Variants in STK36 observed in about 807,000 individuals in gnomAD.
STK36 encodes serine/threonine kinase 36.
Under a neutral mutation model 142.2 loss-of-function variants are expected in STK36, and 116 were observed. The ratio of observed to expected loss-of-function variants is 0.82; its 90% CI spans 0.70 to 0.95. The LOEUF is 0.95. Ranked by LOEUF, STK36 falls within the 40% of genes least tolerant of loss-of-function variation. The pLI, the probability that STK36 is intolerant of heterozygous loss-of-function variation, is 0.00. For missense variants in STK36, 1,422 were observed against 1,617.2 expected (o/e 0.88, Z 2.07); for synonymous variants, 619 against 641.7 (o/e 0.96, Z 0.53).
At chr2:218,684,351 G>A (rs903273579) in intron 10 of STK36, among the ~76,000 whole-genome samples, 2 of 148,992 alleles carry the variant, frequency 1.3e-5, no homozygotes, top group Non-Finnish European at 1.5e-5. Context: ...CCGACCTCAG[G>A]TGATCTGCCT....
chr2:218,684,075 A>C (rs1443619551), intron 10 of STK36, among the ~76,000 whole-genome samples: 1 of 146,668 alleles, frequency 6.8e-6, no homozygotes, highest in Non-Finnish European at 1.5e-5. Flanking sequence ...CTGGGATTAC[A>C]GGTATGAGCT....
In STK36 at chr2:218,695,409, A is replaced by G. The variant is rs1575141133; in HGVS notation, c.2511+774A>G. Among the ~76,000 whole-genome samples the G allele has an allele frequency of 2.0e-5, 3 of 149,682 alleles. 1 individual carries two copies. The East Asian group carries it at 5.9e-4, about 30-fold the overall frequency. ...CCCAGCTAATTTTTGTATTTTTAGT[A>G]GAGACAGGGTTTCTCCATGTTGGTC... On this transcript the variant is annotated intron_variant, in intron 21 of 26. Transcript: ENST00000295709.
At chr2:218,684,926 G>C in intron 10 of STK36, 159 bp from the exon 11 acceptor site, 1 of 832,174 alleles carries the variant, frequency 1.2e-6, no homozygotes, top group South Asian at 2.1e-5. Flanking sequence ...ACTGCCAGCT[G>C]TACCTTTTTT....
In STK36 at chr2:218,679,653, G is replaced by C; in HGVS notation, c.872G>C (p.Arg291Pro). ...GTCCTAAAGGACGAACAGGCCCATC[G>C]GTTGGCCCCCAAGGGTAATCAGTCT... ...LQVLKDEQAHRLAPKGNQSRI... is the reference protein window; with the variant it reads ...LQVLKDEQAHPLAPKGNQSRI... Residue 291 changes from arginine (R) to proline (P), a missense_variant, in exon 8 of 27, where the codon CGG becomes CCG. Around this residue, in one of 2 missense-constraint regions of STK36, gnomAD observed 460 missense variants for 449.6 expected, o/e 1.02. Transcript: ENST00000295709. The C allele has an allele frequency of 1.2e-6, 2 of 1,614,158 alleles. No individual in the cohort carries two copies. The highest frequency in any genetic ancestry group is 1.7e-6 in the Non-Finnish European group (2 of 1,180,042).
At chr2:218,692,847 C>G (rs574867453) in intron 16 of STK36, 137 bp downstream of exon 16, 2 of 1,234,520 alleles carry the variant, frequency 1.6e-6, no homozygotes, top group Non-Finnish European at 2.2e-6. Context: ...TGCTCCCACC[C>G]TGGGCCATTT....
Position 218,688,840 on chromosome 2 carries a change from A to C in STK36, c.1524A>C (p.Leu508=). 1 of 1,612,922 alleles carries C rather than the reference A, an allele frequency of 6.2e-7. No individual in the cohort carries two copies. The highest frequency in any genetic ancestry group is 2.2e-5 in the East Asian group (1 of 44,838). ...EAGLPGLLLS[L]LRHSQESNSL... is the part of the protein sequence containing the mutation. ...GGCTTCCTGGGCTGCTGCTGAGTCT[A>C]CTCAGGCACAGTCAGGAGAGCAACA... The change falls in exon 12 of 27, where the codon CTA becomes CTC. Residue 508 remains leucine (L), a synonymous_variant. Coordinates refer to ENST00000295709, the MANE Select transcript of STK36 (RefSeq NM_015690.5).
rs185827846 is a variant in STK36, at chr2:218,673,935, C to T, written c.282C>T (p.Asp94=). The stretch of plus-strand genomic sequence containing the variant: ...AGCTCTTTCAGATCCTAGAAGATGA[C>T]GGAAAACTTCCTGAAGACCAGGTAT... ...EGELFQILED[D]GKLPEDQVQA... is the part of the protein sequence containing the mutation. The change falls in exon 4 of 27, where the codon GAC becomes GAT. Residue 94 remains aspartate, a synonymous_variant. Coordinates refer to ENST00000295709, the MANE Select transcript of STK36 (RefSeq NM_015690.5). The T allele has an allele frequency of 1.4e-4, 224 of 1,614,016 alleles. No individual in the cohort carries two copies. The East Asian group carries it at 3.0e-3, about 22-fold the overall frequency.
Position 218,694,044 on chromosome 2 carries a change from A to C in STK36, c.2336+61A>C. The C allele has an allele frequency of 6.6e-7, 1 of 1,508,960 alleles. No individual in the cohort carries two copies. The highest frequency in any genetic ancestry group is 9.2e-7 in the Non-Finnish European group (1 of 1,084,570). 93.5% of individuals were successfully genotyped at this position (1,508,960 alleles called of 1,614,324 possible). A position where few individuals can be genotyped will look rare whatever the true frequency, so the allele number is the denominator to read the frequency against. On this transcript the variant is annotated intron_variant, in intron 19 of 26. Coordinates refer to ENST00000295709, the MANE Select transcript of STK36 (RefSeq NM_015690.5). The surrounding 1 kb of genome is among the most constrained non-coding windows in gnomAD (Gnocchi z 4.4). ...TCTAGCCACATAGCTAACCCTCACA[A>C]AGAGTATGGGGAATGGTACCCTACA...
In STK36 at chr2:218,692,766, C is replaced by T. The variant is rs145379207; in HGVS notation, c.2043+56C>T. The T allele has an allele frequency of 2.5e-3, 3,883 of 1,554,756 alleles. 13 individuals are homozygous for T. Among genetic ancestry groups the T allele is most frequent in the Middle Eastern group, 3.8e-3 (21 of 5,468 alleles). On this transcript the variant is annotated intron_variant, in intron 16 of 26. Coordinates refer to ENST00000295709, the MANE Select transcript of STK36 (RefSeq NM_015690.5). ...CCTACTGCCAGAGGAATTGAGGAGG[C>T]TAGCCCCAGTTTTTCAGAAAGGCAG...
At chr2:218,676,309 A>T in intron 6 of STK36, 31 bp downstream of exon 6, 8 of 1,610,964 alleles carry the variant, frequency 5.0e-6, no homozygotes, top group Non-Finnish European at 6.8e-6. Flanking sequence ...GATGACTTTT[A>T]CATTAGAAAT....
chr2:218,676,091 A>G lies in STK36; in HGVS notation c.497A>G (p.Tyr166Cys), dbSNP rs754197747. The change falls in exon 6 of 27, where the codon TAT becomes TGT. Residue 166 changes from tyrosine (Y) to cysteine (C), a missense_variant. Transcript: ENST00000295709. ...ACATCCATCAAAGGCACACCACTCT[A>G]TATGTCTCCAGAGCTGGTGGAGGAG... ...VLTSIKGTPL[Y>C]MSPELVEERP... The G allele has an allele frequency of 2.4e-5, 39 of 1,613,934 alleles. No homozygotes were observed. Among genetic ancestry groups the G allele is most frequent in the Admixed American group, 3.3e-5 (2 of 59,976 alleles).
chr2:218,687,054 A>G (rs1052744168), intron 11 of STK36, among the ~76,000 whole-genome samples: 3 of 152,214 alleles, frequency 2.0e-5, no homozygotes, highest in African/African-American at 4.8e-5. Context: ...CACCATTTGT[A>G]TATCTTCTTT....
intron 6 of STK36, among the ~76,000 whole-genome samples, chr2:218,677,954 C>G (rs1327367359): frequency 1.8e-4 from 28 of 152,266 alleles, no homozygotes. Context: ...CCACACCTGG[C>G]TAATTTTTTG....
At chr2:218,698,324 C>T (rs1941312928) in intron 25 of STK36, among the ~76,000 whole-genome samples, 2 of 152,176 alleles carry the variant, frequency 1.3e-5, no homozygotes, top group South Asian at 4.1e-4. Context: ...TGGCATTGCA[C>T]AGTGGGTCTT....
intron 26 of STK36, 56 bp downstream of exon 26, chr2:218,699,404 A>T: frequency 6.4e-7 from 1 of 1,559,770 alleles, no homozygotes; most frequent in East Asian, 2.2e-5. Context: ...AGTTGACAAC[A>T]TTTCTCTGAG....
chr2:218,682,619 G>T (rs1302295447), intron 10 of STK36, among the ~76,000 whole-genome samples: 1 of 151,964 alleles, frequency 6.6e-6, no homozygotes, highest in Admixed American at 6.6e-5. Flanking sequence ...TTATTGAGCA[G>T]GGTCTTACTC....
At chr2:218,699,422 G>A in intron 26 of STK36, 74 bp downstream of exon 26, 2 of 1,541,666 alleles carry the variant, frequency 1.3e-6, no homozygotes, top group South Asian at 1.3e-5. Flanking sequence ...GAGATCATCT[G>A]TAAGGAATTG....
chr2:218,701,727 G>A, intron 26 of STK36, 139 bp from the exon 27 acceptor site: 2 of 962,038 alleles, frequency 2.1e-6, no homozygotes, highest in South Asian at 1.8e-5. Flanking sequence ...TCTATTCCAA[G>A]TCCCCAAGAG....
intron 17 of STK36, among the ~76,000 whole-genome samples, 158 bp from the exon 18 acceptor site, chr2:218,693,565 T>C (rs1174302259): frequency 6.6e-6 from 1 of 152,186 alleles, no homozygotes; most frequent in Non-Finnish European, 1.5e-5. Flanking sequence ...GGTCCCTGTC[T>C]CACTATCTCA....
Sources: allele counts gnomAD v4.1 joint callset (sites outside exome capture counted in the v4.1 genomes callset), GRCh38; gene constraint gnomAD v4.1.1; regional missense constraint gnomAD v4.1.1; non-coding constraint Gnocchi (gnomAD v3.1); transcripts MANE v1.5; gene names NCBI Gene and HGNC (gene_info 2026-07-23, HGNC 2026-07-21).